Variants in STARD13 observed in about 807,000 individuals in gnomAD.
STARD13 encodes the protein StAR related lipid transfer domain containing 13.
STARD13 carries 62 observed loss-of-function variants against 106.4 expected under a neutral mutation model. The observed-to-expected ratio is 0.58, with a 90% confidence interval of 0.48 to 0.72. The LOEUF is 0.72. Among genes scored for constraint, STARD13 ranks in the 30% least tolerant of loss-of-function variants. STARD13 has a pLI of 0.00. For synonymous variants in STARD13, 565 were observed against 553.0 expected, an observed-to-expected ratio of 1.02 and a Z score of -0.31; for missense variants, 1,387 against 1,424.0, an observed-to-expected ratio of 0.97 and a Z score of 0.42.
intron 2 of STARD13, 124 bp from the exon 3 acceptor site, chr13:33,165,542 T>G: frequency 1.4e-6 from 1 of 729,734 alleles, no homozygotes; most frequent in East Asian, 2.7e-5. Flanking sequence ...ATCATCATTG[T>G]TGGGAATGTT....
intron 1 of STARD13, among the ~76,000 whole-genome samples, chr13:33,214,699 TACAC>T (rs55996131): frequency 0.18 from 25,941 of 143,632 alleles, 2,352 homozygotes; most frequent in African/African-American, 0.25. Flanking sequence ...CATGCACACA[TACAC>T]ACACACACAC....
At chr13:33,219,223 T>C (rs752058858) in intron 1 of STARD13, among the ~76,000 whole-genome samples, 6 of 152,104 alleles carry the variant, frequency 3.9e-5, no homozygotes, top group African/African-American at 1.4e-4. Context: ...GGAAAAGTAC[T>C]GCAAAGACAC....
At chr13:33,480,220 T>C in the STARD13 span, among the ~76,000 whole-genome samples, 6 of 152,084 alleles carry the variant, frequency 3.9e-5, no homozygotes, top group Non-Finnish European at 8.8e-5. Context: ...AGCAAGGAAA[T>C]GGGGTGGAAG....
chr13:33,120,199 A>G (rs1876052347), intron 7 of STARD13, among the ~76,000 whole-genome samples: 1 of 152,252 alleles, frequency 6.6e-6, no homozygotes, highest in Admixed American at 6.5e-5. Flanking sequence ...AGAAATGTTG[A>G]TCAGGATCTA....
At chr13:33,408,475 A>G in the STARD13 span, among the ~76,000 whole-genome samples, 706 of 152,150 alleles carry the variant, frequency 4.6e-3, 7 homozygotes, top group African/African-American at 0.016. Flanking sequence ...ACATTATAGC[A>G]TGTGGCAGAA....
At chr13:33,337,415 T>G (rs1486065293) in intron 1 of STARD13, among the ~76,000 whole-genome samples, 1 of 152,216 alleles carries the variant, frequency 6.6e-6, no homozygotes, top group Admixed American at 6.5e-5. Flanking sequence ...CTTGTCCCAA[T>G]TTCCTATTAT....
chr13:33,155,758 T>C (rs2138306386), intron 3 of STARD13: 1 of 152,282 alleles, frequency 6.6e-6, no homozygotes, highest in African/African-American at 2.4e-5. Context: ...CCAAACTCTA[T>C]AGACTAGTGA....
the STARD13 span, among the ~76,000 whole-genome samples, chr13:33,595,769 A>G: frequency 6.6e-6 from 1 of 152,180 alleles, no homozygotes. Context: ...GTTTTTAGCA[A>G]TTATGAAATG....
At chr13:33,650,411 C>T in the STARD13 span, among the ~76,000 whole-genome samples, 1 of 151,202 alleles carries the variant, frequency 6.6e-6, no homozygotes, top group Middle Eastern at 3.4e-3. Flanking sequence ...GGGATGGTCT[C>T]GATCTCCTGA....
the STARD13 span, among the ~76,000 whole-genome samples, chr13:33,415,311 T>C: frequency 2.0e-5 from 3 of 152,030 alleles, no homozygotes; most frequent in African/African-American, 4.8e-5. Context: ...GAGCTTGCAG[T>C]GAGCTGAGAT....
At chr13:33,186,111 C>G in intron 1 of STARD13, 1 of 1,473,708 alleles carries the variant, frequency 6.8e-7, no homozygotes, top group Non-Finnish European at 9.2e-7. Context: ...CCTCACTGCT[C>G]CCCAGTGACC....
At chr13:33,600,723 A>C in the STARD13 span, among the ~76,000 whole-genome samples, 3 of 152,228 alleles carry the variant, frequency 2.0e-5, no homozygotes, top group South Asian at 6.2e-4. Context: ...TACCTTAATA[A>C]AAATTATAAA....
At chr13:33,663,105 G>A in the STARD13 span, among the ~76,000 whole-genome samples, 79 of 152,034 alleles carry the variant, frequency 5.2e-4, no homozygotes, top group African/African-American at 1.8e-3. Context: ...TGGAGATAGG[G>A]TCTCATTCTG....
rs60359548 is a variant in STARD13, at chr13:33,300,063, G to A, written c.124+50227C>T. On this transcript the variant is annotated intron_variant, in intron 1 of 5. Transcript: ENST00000567873. ...TGATTTCAAGAACACCTAGAAATGT[G>A]GCTTTGGAGTCGAGTTAACTTTTAA... Among the ~76,000 whole-genome samples, 1,284 of 152,232 alleles carry A rather than the reference G, an allele frequency of 8.4e-3. 14 individuals carry two copies. Among genetic ancestry groups the A allele is most frequent in the African/African-American group, 0.024 (1,003 of 41,554 alleles).
chr13:33,221,476 C>T (rs183321981), intron 1 of STARD13, among the ~76,000 whole-genome samples: 102 of 152,332 alleles, frequency 6.7e-4, no homozygotes, highest in African/African-American at 2.4e-3. Context: ...CTGACAGTAG[C>T]GCAAAAGCAT....
At position 33,285,521 on chromosome 13, in the gene STARD13, T is replaced by G; in HGVS notation, c.118A>C (p.Arg40=). ...TGGCGTGCTAGAATCCGGCTCATCC[T>G]GTAAGGAGAGCGTCTTGTAGTCTGA... The part of the protein sequence containing the change: ...FDQTTRRSPY[R]MSRILARHQL... Residue 40 remains arginine (R), a synonymous_variant, in exon 1 of 14, where the codon AGG becomes CGG. Coordinates refer to ENST00000336934, the MANE Select transcript of STARD13 (RefSeq NM_178006.4). 3 of 1,614,096 alleles carry G rather than the reference T, an allele frequency of 1.9e-6. No individual in the cohort carries two copies. Among genetic ancestry groups the G allele is most frequent in the Non-Finnish European group, 2.5e-6 (3 of 1,179,936 alleles).
At chr13:33,106,640 T>G in intron 13 of STARD13, 118 bp downstream of exon 13, 1 of 928,358 alleles carries the variant, frequency 1.1e-6, no homozygotes, top group Non-Finnish European at 1.6e-6. Context: ...AGCACACTAA[T>G]GGCAATGAGG....
At chr13:33,146,134 G>A (rs549462470) in intron 3 of STARD13, among the ~76,000 whole-genome samples, 206 of 152,320 alleles carry the variant, frequency 1.4e-3, no homozygotes, top group Non-Finnish European at 2.2e-3. Context: ...AGACCAGCCT[G>A]ACCAACATGG....
At chr13:33,663,522 T>C in the STARD13 span, among the ~76,000 whole-genome samples, 1 of 152,204 alleles carries the variant, frequency 6.6e-6, no homozygotes, top group Non-Finnish European at 1.5e-5. Flanking sequence ...GAAACGCCTT[T>C]GTCATATATT....
Sources: allele counts gnomAD v4.1 joint callset (sites outside exome capture counted in the v4.1 genomes callset), GRCh38; gene constraint gnomAD v4.1.1; transcripts MANE v1.5; gene names NCBI Gene and HGNC (gene_info 2026-07-23, HGNC 2026-07-21).